The following DNAJB6 variants were observed in gnomAD, a reference collection of about 807,000 sequenced individuals.
DNAJB6 encodes the protein dnaJ homolog subfamily B member 6.
Under a neutral mutation model 42.7 loss-of-function variants are expected in DNAJB6, and 16 were observed. That is an observed-to-expected ratio of 0.37 (90% confidence interval 0.25 to 0.57). DNAJB6 has a LOEUF of 0.57. Ranked by LOEUF, DNAJB6 falls within the 20% of genes least tolerant of loss-of-function variation. The probability of loss-of-function intolerance (pLI) is 0.74; values close to 1 mark genes in which losing one functional copy is unlikely to be tolerated. For synonymous variants in DNAJB6, 170 were observed against 163.5 expected (o/e 1.04, Z -0.30); for missense variants, 347 against 416.8 (o/e 0.83, Z 1.46).
chr7:157,359,981 C>T (rs779641383), intron 2 of DNAJB6, among the ~76,000 whole-genome samples: 1 of 152,254 alleles, frequency 6.6e-6, no homozygotes, highest in Non-Finnish European at 1.5e-5. Context: ...GTGCTGCACA[C>T]TTGAGGCTCA....
At chr7:157,356,530 T>C (rs1799286700) in intron 1 of DNAJB6, among the ~76,000 whole-genome samples, 1 of 152,200 alleles carries the variant, frequency 6.6e-6, no homozygotes, top group South Asian at 2.1e-4. Flanking sequence ...AGGAAATCTT[T>C]CATAACTAGG....
intron 9 of DNAJB6, chr7:157,412,328 C>T (rs553650515): frequency 6.6e-6 from 1 of 152,298 alleles, no homozygotes; most frequent in East Asian, 1.9e-4. Context: ...GTTGAGCAAG[C>T]CTCCGCCCCT....
intron 8 of DNAJB6, among the ~76,000 whole-genome samples, chr7:157,408,364 C>G (rs1252345786): frequency 6.6e-6 from 1 of 152,222 alleles, no homozygotes; most frequent in Non-Finnish European, 1.5e-5. Context: ...GCCTGCGCCT[C>G]CTCTTGGGTT....
chr7:157,339,613 G>T (rs1266622417), intron 1 of DNAJB6, among the ~76,000 whole-genome samples: 1 of 86,614 alleles, frequency 1.2e-5, no homozygotes, highest in Non-Finnish European at 2.6e-5. Context: ...GTGTGTGTGT[G>T]TGTGTGTGTG....
intron 7 of DNAJB6, 97 bp downstream of exon 7, chr7:157,385,105 T>C: frequency 7.8e-7 from 1 of 1,285,256 alleles, no homozygotes; most frequent in Non-Finnish European, 1.1e-6. Context: ...GTAGAGGTTG[T>C]TGTATGCTAA....
intron 8 of DNAJB6, among the ~76,000 whole-genome samples, chr7:157,387,789 T>A (rs2117104738): frequency 6.6e-6 from 1 of 151,530 alleles, no homozygotes; most frequent in East Asian, 1.9e-4. Context: ...AAATTTTTTT[T>A]TGAGGAGGAG....
intron 5 of DNAJB6, among the ~76,000 whole-genome samples, chr7:157,376,893 AAC>A (rs1381321561): frequency 1.3e-5 from 2 of 152,106 alleles, no homozygotes; most frequent in Non-Finnish European, 2.9e-5. Flanking sequence ...AAAACAAACA[AAC>A]AAAAAGAAAT....
intron 5 of DNAJB6, among the ~76,000 whole-genome samples, chr7:157,376,985 G>A (rs1390696102): frequency 1.3e-5 from 2 of 152,196 alleles, no homozygotes; most frequent in Non-Finnish European, 2.9e-5. Context: ...ACATTTTCTG[G>A]TTGACAATTG....
intron 8 of DNAJB6, among the ~76,000 whole-genome samples, chr7:157,408,325 T>C (rs938550856): frequency 6.6e-6 from 1 of 151,982 alleles, no homozygotes; most frequent in African/African-American, 2.4e-5. Flanking sequence ...TGTGGGGAAA[T>C]AGGATTGGGG....
intron 5 of DNAJB6, among the ~76,000 whole-genome samples, chr7:157,374,792 C>G (rs546345290): frequency 3.3e-5 from 5 of 152,258 alleles, no homozygotes; most frequent in Non-Finnish European, 7.4e-5. Flanking sequence ...TTGAGCCATG[C>G]TGTAAGAGTT....
intron 8 of DNAJB6, among the ~76,000 whole-genome samples, chr7:157,400,288 C>T (rs974278337): frequency 1.3e-5 from 2 of 151,300 alleles, no homozygotes; most frequent in Non-Finnish European, 2.9e-5. Flanking sequence ...CCCGGGTCCC[C>T]GCGCCTTCGT....
At chr7:157,408,920 G>A (rs979811423) in intron 8 of DNAJB6, among the ~76,000 whole-genome samples, 11 of 152,232 alleles carry the variant, frequency 7.2e-5, no homozygotes, top group African/African-American at 2.7e-4. Context: ...AGTGCTGGGT[G>A]CGACAGTCGT....
At chr7:157,396,953 C>G (rs540333684) in intron 8 of DNAJB6, among the ~76,000 whole-genome samples, 199 of 152,332 alleles carry the variant, frequency 1.3e-3, no homozygotes, top group African/African-American at 4.4e-3. Flanking sequence ...GGTCCTGAAC[C>G]TGCCACGGGA....
At chr7:157,369,852 CG>C (rs1158615669) in intron 5 of DNAJB6, among the ~76,000 whole-genome samples, 2 of 145,288 alleles carry the variant, frequency 1.4e-5, no homozygotes, top group African/African-American at 5.4e-5. Context: ...TATTATTAAA[CG>C]GGCCCCTTCT....
At chr7:157,339,281 CTTTTTTTT>C (rs34284253) in intron 1 of DNAJB6, among the ~76,000 whole-genome samples, 38 of 68,258 alleles carry the variant, frequency 5.6e-4, no homozygotes, top group Admixed American at 1.0e-3. Context: ...CTGTTTGCAC[CTTTTTTTT>C]TTTTTTTTTT....
chr7:157,353,539 T>C (rs1799107712), intron 1 of DNAJB6, among the ~76,000 whole-genome samples: 1 of 151,916 alleles, frequency 6.6e-6, no homozygotes, highest in South Asian at 2.1e-4. Flanking sequence ...TTAGTTGTCA[T>C]TTACTCTTAG....
Position 157,384,623 on chromosome 7 carries a change from A to G in DNAJB6, c.479-244A>G, listed in dbSNP as rs561430231. Among the ~76,000 whole-genome samples, 16 of 152,270 alleles carry G rather than the reference A, an allele frequency of 1.1e-4. No individual in the cohort carries two copies. In the South Asian group the frequency reaches 3.3e-3, roughly 32 times the overall value. On this transcript the variant is annotated intron_variant, in intron 6 of 9. Transcript: ENST00000262177. ...GGGTCCCGCGAAGCTCTGCATGAGG[A>G]GAGGGGGAGGGGAGAGGCTGCACTC...
chr7:157,382,666 A>G (rs1800846318), intron 6 of DNAJB6: 1 of 201,118 alleles, frequency 5.0e-6, no homozygotes, highest in East Asian at 1.3e-4. Context: ...CTGCATCAGT[A>G]GGTGGAAAGT....
intron 5 of DNAJB6, among the ~76,000 whole-genome samples, chr7:157,373,507 C>T (rs1400659204): frequency 2.6e-5 from 4 of 152,170 alleles, no homozygotes; most frequent in South Asian, 2.1e-4. Flanking sequence ...CCCACCACCA[C>T]ACCTGGCTAA....
Sources: gnomAD v4.1 joint callset for allele counts (sites outside exome capture counted in the v4.1 genomes callset) on GRCh38, gnomAD v4.1.1 for gene constraint, MANE v1.5 for transcripts, NCBI Gene and HGNC (gene_info 2026-07-23, HGNC 2026-07-21) for gene names.